Variants in TRMT44 observed in about 807,000 individuals in gnomAD.
The protein encoded by TRMT44 is probable tRNA (uracil-O(2)-)-methyltransferase.
TRMT44 carries 78 observed loss-of-function variants against 77.3 expected under a neutral mutation model. The observed-to-expected ratio is 1.01, with a 90% CI of 0.84 to 1.22. The LOEUF is 1.22. Ranked by LOEUF, TRMT44 falls within the 50% of genes most tolerant of loss-of-function variation. TRMT44 has a pLI of 0.00. For synonymous variants in TRMT44, 391 were observed against 383.3 expected (o/e 1.02, Z -0.23); for missense variants, 1,090 against 964.4 (o/e 1.13, Z -1.73).
intron 6 of TRMT44, among the ~76,000 whole-genome samples, chr4:8,459,205 A>G (rs1161991904): frequency 2.6e-5 from 4 of 152,324 alleles, no homozygotes; most frequent in African/African-American, 7.2e-5. Context: ...TCTGTCTCCA[A>G]AAGTTATACA....
intron 2 of TRMT44, among the ~76,000 whole-genome samples, chr4:8,484,699 G>T (rs13122276): frequency 0.1 from 15,558 of 152,198 alleles, 800 homozygotes; most frequent in Middle Eastern, 0.13. Context: ...AGAAAGAGGA[G>T]TGGGGAAAGG....
chr4:8,446,054 C>G lies in TRMT44; in HGVS notation c.620-422C>G, dbSNP rs1321236283. On this transcript the variant is annotated intron_variant, in intron 1 of 10. Coordinates refer to ENST00000389737, the MANE Select transcript of TRMT44 (RefSeq NM_152544.3). This position sits in a 1 kb window ranked among gnomAD's most constrained non-coding sequence, Gnocchi z 4.3. ...AAAGCGGTTGTTAGGAAGGCCTGGACTGATATCCGCTTTCCTGAACTGGCC... is the reference window on the plus strand; with the variant it reads ...AAAGCGGTTGTTAGGAAGGCCTGGAGTGATATCCGCTTTCCTGAACTGGCC... Among the ~76,000 whole-genome samples, 1 of 152,214 alleles carries G rather than the reference C, an allele frequency of 6.6e-6. No homozygotes were observed. Among genetic ancestry groups the G allele is most frequent in the Non-Finnish European group, 1.5e-5 (1 of 68,042 alleles).
intron 10 of TRMT44, among the ~76,000 whole-genome samples, chr4:8,472,844 A>G (rs1218415541): frequency 2.0e-5 from 3 of 152,046 alleles, no homozygotes; most frequent in Non-Finnish European, 4.4e-5. Flanking sequence ...ATAGAGCTTT[A>G]GGCAGTTAGA....
intron 8 of TRMT44, among the ~76,000 whole-genome samples, chr4:8,467,237 G>C (rs1726631950): frequency 6.6e-6 from 1 of 152,204 alleles, no homozygotes; most frequent in Non-Finnish European, 1.5e-5. Context: ...CTGCAACTCT[G>C]CAGCGTTACC....
chr4:8,445,278 C>T (rs1369508218), intron 1 of TRMT44, among the ~76,000 whole-genome samples: 3 of 152,234 alleles, frequency 2.0e-5, no homozygotes, highest in Admixed American at 1.3e-4. Context: ...AGGCATGGGC[C>T]ATCACGCCTG....
chr4:8,509,335 G>T, the TRMT44 span: 5 of 152,770 alleles, frequency 3.3e-5, no homozygotes, highest in Admixed American at 6.5e-5. Flanking sequence ...CGAGTGAGTG[G>T]CTGTGTAAGG....
At chr4:8,490,711 G>T (rs1727974130) in intron 2 of TRMT44, among the ~76,000 whole-genome samples, 1 of 152,182 alleles carries the variant, frequency 6.6e-6, no homozygotes, top group Non-Finnish European at 1.5e-5. Flanking sequence ...TTATTGCAAA[G>T]AGCGAAAGAA....
At chr4:8,487,340 C>G (rs1727840939) in intron 2 of TRMT44, among the ~76,000 whole-genome samples, 1 of 151,716 alleles carries the variant, frequency 6.6e-6, no homozygotes, top group African/African-American at 2.4e-5. Context: ...GGAGGAAAGC[C>G]CAGAGAAAAG....
rs747503983 is a variant in TRMT44, at chr4:8,441,316, C to T, written c.494C>T (p.Thr165Ile). The T allele has an allele frequency of 7.2e-6, 11 of 1,535,496 alleles. No individual in the cohort carries two copies. Among genetic ancestry groups the T allele is most frequent in the African/African-American group, 4.1e-5 (3 of 73,058 alleles). The change falls in exon 1 of 11, where the codon ACC becomes ATC. Residue 165 changes from threonine to isoleucine, a missense_variant. Physicochemically the swap from Thr to Ile is moderately conservative, Grantham distance 89. Transcript: ENST00000389737. Reference sequence around the variant, plus strand: ...AATTCGGAGTTGCTGGCCTTCCTCACCAGCTCCGGGGCGGGATCGCAGCCA... The same window carrying T: ...AATTCGGAGTTGCTGGCCTTCCTCATCAGCTCCGGGGCGGGATCGCAGCCA... Reference protein sequence around the residue: ...RGNSELLAFLTSSGAGSQPEA... With the variant: ...RGNSELLAFLISSGAGSQPEA...
chr4:8,450,508 G>A (rs76994111), intron 3 of TRMT44, among the ~76,000 whole-genome samples: 2,417 of 152,006 alleles, frequency 0.016, 18 homozygotes, highest in Middle Eastern at 0.037. Flanking sequence ...AAGAAAATAT[G>A]TGAAAAGTTA....
chr4:8,515,469 G>A, the TRMT44 span, among the ~76,000 whole-genome samples: 8 of 152,226 alleles, frequency 5.3e-5, no homozygotes, highest in Non-Finnish European at 1.0e-4. Context: ...AGCAGATGCT[G>A]CCCTTGCTCC....
downstream of TRMT44, among the ~76,000 whole-genome samples, chr4:8,481,159 C>T (rs1164556610): frequency 6.6e-6 from 1 of 152,258 alleles, no homozygotes; most frequent in East Asian, 1.9e-4. Context: ...CATTTCCTTT[C>T]TATCAATCCC....
intron 7 of TRMT44, 35 bp from the exon 8 acceptor site, chr4:8,465,343 A>G: frequency 6.3e-7 from 1 of 1,582,182 alleles, no homozygotes; most frequent in South Asian, 1.2e-5. Context: ...TCTGCTCAGG[A>G]TGCTTGACCC....
chr4:8,447,849 G>A (rs773590188), intron 2 of TRMT44, among the ~76,000 whole-genome samples: 6 of 152,228 alleles, frequency 3.9e-5, no homozygotes, highest in Non-Finnish European at 7.3e-5. Flanking sequence ...GCACCTCTGT[G>A]CTCGGCGATG....
Position 8,441,221 on chromosome 4 carries a change from G to A in TRMT44, c.399G>A (p.Arg133=), listed in dbSNP as rs886572389. 12 of 1,535,476 alleles carry A rather than the reference G, an allele frequency of 7.8e-6. No homozygotes were observed. The highest frequency in any genetic ancestry group is 3.9e-5 in the Admixed American group (2 of 50,952). Reference sequence around the variant, plus strand: ...GGCACCCCGGCCATGCTGAAGGAAGGGAGGGCGACTTCCCCGCCGCAGATC... The same window carrying A: ...GGCACCCCGGCCATGCTGAAGGAAGAGAGGGCGACTTCCCCGCCGCAGATC... ...DSGHPGHAEG[R]EGDFPAADLD... Residue 133 remains arginine (R), a synonymous_variant, in exon 1 of 11, where the codon AGG becomes AGA. Transcript: ENST00000389737.
At position 8,449,660 on chromosome 4, in the gene TRMT44, T is replaced by C. The variant is rs1051511650; in HGVS notation, c.735-9T>C. Reference sequence around the variant, plus strand: ...TCTGTGCTTATTCATATTTCTCTTATTTTTAAAGGTTCATATCTGTTTTAA... The same window carrying C: ...TCTGTGCTTATTCATATTTCTCTTACTTTTAAAGGTTCATATCTGTTTTAA... On this transcript the variant is annotated splice_polypyrimidine_tract_variant and intron_variant, in intron 2 of 10. Transcript: ENST00000389737. 98 of 1,525,194 alleles carry C rather than the reference T, an allele frequency of 6.4e-5. No homozygotes were observed. The highest frequency in any genetic ancestry group is 8.2e-5 in the Non-Finnish European group (93 of 1,137,836). The allele number at this position is 1,525,194 out of a possible 1,614,324, so 94.5% of individuals were successfully genotyped here. A position where few individuals can be genotyped will look rare whatever the true frequency, so the allele number is the denominator to read the frequency against.
At chr4:8,496,777 AT>A (rs11376419), downstream of TRMT44, among the ~76,000 whole-genome samples, 97 of 148,502 alleles carry the variant, frequency 6.5e-4, no homozygotes, top group Middle Eastern at 3.4e-3. Flanking sequence ...GAGTTCAGTG[AT>A]TTTTTTTTTC....
downstream of TRMT44, among the ~76,000 whole-genome samples, chr4:8,480,983 A>G (rs1727594911): frequency 6.6e-6 from 1 of 152,224 alleles, no homozygotes; most frequent in Non-Finnish European, 1.5e-5. Flanking sequence ...CTCTGTTAAC[A>G]TAGCTAGATC....
chr4:8,499,878 T>A, the TRMT44 span, among the ~76,000 whole-genome samples: 3,437 of 152,254 alleles, frequency 0.023, 73 homozygotes, highest in African/African-American at 0.053. Flanking sequence ...AGGAGTTTAC[T>A]ATATAACAAA....
Sources: allele counts gnomAD v4.1 joint callset (sites outside exome capture counted in the v4.1 genomes callset), GRCh38; gene constraint gnomAD v4.1.1; non-coding constraint Gnocchi (gnomAD v3.1); transcripts MANE v1.5; gene names NCBI Gene and HGNC (gene_info 2026-07-23, HGNC 2026-07-21).